Variants in PCDHA3 observed in about 807,000 individuals in gnomAD.
PCDHA3 encodes the protein protocadherin alpha 3, also known as protocadherin alpha-3.
PCDHA3 carries 41 observed loss-of-function variants against 62.2 expected under a neutral mutation model. The ratio of observed to expected loss-of-function variants is 0.66; its 90% CI spans 0.51 to 0.86. PCDHA3 has a LOEUF of 0.86. PCDHA3 is among the 40% of genes least tolerant of loss of function. The pLI is 0.00. For missense variants in PCDHA3, 1,304 were observed against 1,241.2 expected, an observed-to-expected ratio of 1.05 and a Z score of -0.76; for synonymous variants, 640 against 555.4, an observed-to-expected ratio of 1.15 and a Z score of -2.14.
At chr5:140,881,940 G>A (rs1273995753) in intron 1 of PCDHA3, 1 of 295,968 alleles carries the variant, frequency 3.4e-6, no homozygotes, top group Non-Finnish European at 6.2e-6. Flanking sequence ...TGCTGTTTCT[G>A]GGAAGGTAAA....
rs202125503 is a variant in PCDHA3 at position 140,834,460 on chromosome 5, C to A, written c.2394+30869C>A. 5.3e-5 allele frequency: 84 copies of A among 1,589,840 alleles called. No homozygotes were observed. Among genetic ancestry groups the A allele is most frequent in the Middle Eastern group, 1.7e-4 (1 of 5,902 alleles). On this transcript the variant is annotated intron_variant, in intron 1 of 3. Transcript: ENST00000522353. ...ATTATAATTCTAGCAGCTTGGGAGG[C>A]AGGGAGAGGCCAGCTCCACTACTCG... is the stretch of plus-strand genomic sequence containing the variant.
In PCDHA3 at chr5:140,843,731, T is replaced by C. The variant is rs1331325301; in HGVS notation, c.2394+40140T>C. 3.9e-6 allele frequency: 6 copies of C among 1,551,218 alleles called. 1 individual carries two copies. The highest frequency in any genetic ancestry group is 5.3e-6 in the Non-Finnish European group (6 of 1,131,064). On this transcript the variant is annotated intron_variant, in intron 1 of 3. Transcript: ENST00000522353. ...TGGCCTCAAAGTAAGTCCATTTAAA[T>C]TTAGAACTCATAAATTCTATTTGTG...
Position 140,844,332 on chromosome 5 carries a change from G to C in PCDHA3, c.2394+40741G>C, listed in dbSNP as rs2150370679. On this transcript the variant is annotated intron_variant, in intron 1 of 3. Coordinates refer to ENST00000522353, the MANE Select transcript of PCDHA3 (RefSeq NM_018906.3). ...TTCTTCCTAATTTTATTATAAACTA[G>C]TTAAAAAGTAAAATCAAGAGGGAAG... Among the ~76,000 whole-genome samples the C allele has an allele frequency of 8.0e-5, 12 of 149,222 alleles. 2 individuals carry two copies. The highest frequency in any genetic ancestry group is 1.8e-4 in the Non-Finnish European group (12 of 66,748).
chr5:140,894,253 T>C (rs1554186000), intron 1 of PCDHA3, among the ~76,000 whole-genome samples: 1 of 152,112 alleles, frequency 6.6e-6, no homozygotes, highest in Non-Finnish European at 1.5e-5. Context: ...TTCTTTTCTT[T>C]ACAAGTGGTA....
At chr5:140,949,634 G>A (rs1172841481) in intron 1 of PCDHA3, among the ~76,000 whole-genome samples, 3 of 151,562 alleles carry the variant, frequency 2.0e-5, no homozygotes, top group East Asian at 1.9e-4. Flanking sequence ...ATGGCATATT[G>A]CTTTTTGTTC....
chr5:140,838,264 C>T (rs1278285410), intron 1 of PCDHA3, among the ~76,000 whole-genome samples: 3 of 144,252 alleles, frequency 2.1e-5, no homozygotes, highest in Admixed American at 7.1e-5. Flanking sequence ...AAGACGCCAA[C>T]AACCAAGCCA....
intron 1 of PCDHA3, among the ~76,000 whole-genome samples, chr5:140,939,231 G>A (rs1305244022): frequency 6.6e-6 from 1 of 152,134 alleles, no homozygotes; most frequent in East Asian, 1.9e-4. Context: ...TCACCTTCTG[G>A]AAGGAGCAAG....
intron 3 of PCDHA3, among the ~76,000 whole-genome samples, chr5:141,006,429 G>A (rs541690957): frequency 1.3e-5 from 2 of 152,004 alleles, no homozygotes; most frequent in South Asian, 4.2e-4. Context: ...TAGCCAGGAT[G>A]GTCTCAATCT....
At chr5:140,937,150 G>C (rs2153631833) in intron 1 of PCDHA3, among the ~76,000 whole-genome samples, 1 of 149,812 alleles carries the variant, frequency 6.7e-6, no homozygotes, top group East Asian at 2.0e-4. Context: ...CCATTCTCCT[G>C]CCTCAGCCTC....
At chr5:140,893,104 T>A (rs2063818844) in intron 1 of PCDHA3, among the ~76,000 whole-genome samples, 1 of 152,224 alleles carries the variant, frequency 6.6e-6, no homozygotes, top group South Asian at 2.1e-4. Flanking sequence ...TGGATAATAT[T>A]CCGTTGTGCA....
Position 140,851,014 on chromosome 5 carries a change from T to G in PCDHA3, c.2394+47423T>G, listed in dbSNP as rs982386368. 9 of 1,434,762 alleles carry G rather than the reference T, an allele frequency of 6.3e-6. No individual in the cohort carries two copies. In the East Asian group the frequency reaches 2.2e-4, roughly 35 times the overall value. The allele number at this position is 1,434,762 out of a possible 1,614,324, so 88.9% of individuals were successfully genotyped here. On this transcript the variant is annotated intron_variant, in intron 1 of 3. Coordinates refer to ENST00000522353, the MANE Select transcript of PCDHA3 (RefSeq NM_018906.3). ...CTAGAAATCCAGCAGATTTTTTTTC[T>G]GATAAAGTAAACCCCTTAACATTGG... is the stretch of plus-strand genomic sequence containing the variant.
At chr5:141,001,216 G>T (rs938133871) in intron 3 of PCDHA3, among the ~76,000 whole-genome samples, 1 of 152,082 alleles carries the variant, frequency 6.6e-6, no homozygotes, top group Non-Finnish European at 1.5e-5. Context: ...GCTGTATAAG[G>T]ATAGTTACAT....
rs1581464132 is a variant in PCDHA3, at chr5:140,857,670, T to A, written c.2394+54079T>A. 10 of 1,596,646 alleles carry A rather than the reference T, an allele frequency of 6.3e-6. No homozygotes were observed. In the East Asian group the frequency reaches 2.2e-4, roughly 36 times the overall value. ...CAGGTGAGCGCGCGCGATGGGGGCG[T>A]GCCGCCTCTGGGCAGCAACTTGACG... On this transcript the variant is annotated intron_variant, in intron 1 of 3. Transcript: ENST00000522353.
At chr5:140,995,410 T>C (rs555899259) in intron 3 of PCDHA3, among the ~76,000 whole-genome samples, 1 of 152,310 alleles carries the variant, frequency 6.6e-6, no homozygotes, top group Non-Finnish European at 1.5e-5. Flanking sequence ...CGAGATTTCA[T>C]CACATTACTC....
chr5:140,828,767 G>A, intron 1 of PCDHA3: 1 of 1,614,200 alleles, frequency 6.2e-7, no homozygotes, highest in Non-Finnish European at 8.5e-7. Flanking sequence ...CACAGGCACT[G>A]TTCAGCTGCT....
chr5:140,936,312 C>A (rs2090900162), intron 1 of PCDHA3, among the ~76,000 whole-genome samples: 1 of 152,166 alleles, frequency 6.6e-6, no homozygotes, highest in Non-Finnish European at 1.5e-5. Context: ...ATAGAACTTT[C>A]TGACATGCTA....
chr5:140,942,572 C>A (rs2093326271), intron 1 of PCDHA3, among the ~76,000 whole-genome samples: 1 of 151,292 alleles, frequency 6.6e-6, no homozygotes, highest in Non-Finnish European at 1.5e-5. Flanking sequence ...AAAAATCTTC[C>A]CATATAGGAT....
chr5:140,941,199 C>CTT (rs879983584), intron 1 of PCDHA3, among the ~76,000 whole-genome samples: 22 of 115,972 alleles, frequency 1.9e-4, no homozygotes, highest in African/African-American at 6.6e-4. Context: ...TTTTTTCTTT[C>CTT]TTCCTTTCTT....
At chr5:140,854,178 A>AAATT in intron 1 of PCDHA3, 2 of 531,176 alleles carry the variant, frequency 3.8e-6, no homozygotes, top group Non-Finnish European at 4.8e-6. Flanking sequence ...AAAAAAAAAG[A>AAATT]GTAGTTTAAC....
Sources: allele counts gnomAD v4.1 joint callset (sites outside exome capture counted in the v4.1 genomes callset), GRCh38; gene constraint gnomAD v4.1.1; transcripts MANE v1.5; gene names NCBI Gene and HGNC (gene_info 2026-07-23, HGNC 2026-07-21).